The following SYNC variants were observed in gnomAD, a reference collection of about 807,000 sequenced individuals.
SYNC encodes syncoilin.
A neutral mutation model predicts 49.5 loss-of-function variants in SYNC; 38 were observed. The ratio of observed to expected loss-of-function variants is 0.77; its 90% CI spans 0.59 to 1.01. The LOEUF (loss-of-function observed/expected upper bound fraction) is 1.01, where lower values mean the gene tolerates loss of function less well. Ranked by LOEUF, SYNC falls within the 50% of genes least tolerant of loss-of-function variation. The pLI is 0.00. For missense variants in SYNC, 579 were observed against 580.6 expected (o/e 1.00, Z 0.03); for synonymous variants, 201 against 230.8 (o/e 0.87, Z 1.17).
In SYNC at chr1:32,702,726, C is replaced by T; in HGVS notation, c.-66G>A. On this transcript the variant is annotated 5_prime_UTR_variant, in exon 1 of 5. Transcript: ENST00000409190. This position sits in a 1 kb window ranked among gnomAD's most constrained non-coding sequence, Gnocchi z 6.2. ...CGGGCCCGCGGGCCCCTCGCTCCGGCGCCCGCGCCCGCCGCACTGCCAGCT... is the reference window on the plus strand; with the variant it reads ...CGGGCCCGCGGGCCCCTCGCTCCGGTGCCCGCGCCCGCCGCACTGCCAGCT... 1 of 1,080,532 alleles carries T rather than the reference C, an allele frequency of 9.3e-7. No individual in the cohort carries two copies. Among genetic ancestry groups the T allele is most frequent in the Non-Finnish European group, 1.1e-6 (1 of 889,060 alleles). 66.9% of individuals were successfully genotyped at this position (1,080,532 alleles called of 1,614,324 possible).
intron 2 of SYNC, among the ~76,000 whole-genome samples, chr1:32,692,952 G>A (rs943311515): frequency 2.0e-5 from 3 of 151,206 alleles, no homozygotes; most frequent in Non-Finnish European, 4.4e-5. Flanking sequence ...GCAGTGAGCC[G>A]AGATTGGTTC....
At chr1:32,694,362 A>G (rs1248145895) in intron 2 of SYNC, among the ~76,000 whole-genome samples, 1 of 148,786 alleles carries the variant, frequency 6.7e-6, no homozygotes, top group East Asian at 2.1e-4. Flanking sequence ...CGCAAAAAAA[A>G]CAGAGTGCAG....
rs769563410 is a variant in SYNC at position 32,695,120 on chromosome 1, G to A, written c.978C>T (p.Ala326=). 13 of 1,612,202 alleles carry A rather than the reference G, an allele frequency of 8.1e-6. No individual in the cohort carries two copies. In the East Asian group the frequency reaches 2.7e-4, roughly 33 times the overall value. ...HFLQESRRLS[A]QFENLMAESR... ...TCTCTGCCATGAGATTTTCAAACTGGGCAGAGAGTCGCCGGCTTTCCTGGA... is the reference window on the plus strand; with the variant it reads ...TCTCTGCCATGAGATTTTCAAACTGAGCAGAGAGTCGCCGGCTTTCCTGGA... Residue 326 remains alanine (A), a synonymous_variant, in exon 2 of 5, where the codon GCC becomes GCT. Transcript: ENST00000409190.
intron 2 of SYNC, chr1:32,685,018 C>G (rs1346673277): frequency 6.6e-6 from 1 of 151,956 alleles, no homozygotes; most frequent in African/African-American, 2.4e-5. Context: ...ATCCTTTTTT[C>G]TTCTTTATTT....
chr1:32,688,371 A>G (rs148783981), intron 2 of SYNC, among the ~76,000 whole-genome samples: 70 of 152,284 alleles, frequency 4.6e-4, no homozygotes, highest in African/African-American at 1.6e-3. Context: ...CATACTAGCT[A>G]TTGTTGATCT....
In SYNC at chr1:32,681,809, GT is replaced by G; in HGVS notation, c.*40del. The G allele has an allele frequency of 6.2e-7, 1 of 1,614,118 alleles. No individual in the cohort carries two copies. The highest frequency in any genetic ancestry group is 8.5e-7 in the Non-Finnish European group (1 of 1,180,014). On this transcript the variant is annotated 3_prime_UTR_variant, in exon 5 of 5. Transcript: ENST00000409190. Reference sequence around the variant, plus strand: ...GTACTTAGTGATCCTTTGCTAAGAAGTTTTTTGCTGTTTCCGGGTTACAGAT... The same window carrying G: ...GTACTTAGTGATCCTTTGCTAAGAAGTTTTTGCTGTTTCCGGGTTACAGAT...
chr1:32,703,435 C>G (rs1377089706), upstream of SYNC: 1 of 152,700 alleles, frequency 6.5e-6, no homozygotes, highest in African/African-American at 2.4e-5. Flanking sequence ...ACTCAGCCCA[C>G]TTCTGTCAAC....
chr1:32,684,021 G>A lies in SYNC; in HGVS notation c.1427C>T (p.Thr476Ile). ...TTCACAAAGATCACCTTGAGACTGT[G>A]TCTCCATTCCACCTGCCTGAGAAGT... ...APTSQAGGME[T>I]QSQGAV Residue 476 changes from threonine to isoleucine, a missense_variant, in exon 4 of 5, where the codon ACA becomes ATA. Physicochemically the swap from Thr to Ile is moderately conservative, Grantham distance 89. Coordinates refer to ENST00000409190, the MANE Select transcript of SYNC (RefSeq NM_030786.3). The A allele has an allele frequency of 6.2e-7, 1 of 1,614,104 alleles. No homozygotes were observed.
chr1:32,701,863 G>A (rs1053679570), intron 1 of SYNC, among the ~76,000 whole-genome samples: 7 of 152,222 alleles, frequency 4.6e-5, no homozygotes, highest in Non-Finnish European at 1.0e-4. Flanking sequence ...GAGTCCGTGT[G>A]TCTGACTGTA....
At position 32,680,357 on chromosome 1, in the gene SYNC, G is replaced by GTTTT. The variant is rs372285843; in HGVS notation, c.*1489_*1492dup. The GTTTT allele has an allele frequency of 8.1e-6, 8 of 988,410 alleles. No individual in the cohort carries two copies. Among genetic ancestry groups the GTTTT allele is most frequent in the East Asian group, 6.8e-5 (1 of 14,814 alleles). 61.2% of individuals were successfully genotyped at this position (988,410 alleles called of 1,614,324 possible). On this transcript the variant is annotated 3_prime_UTR_variant, in exon 5 of 5. Coordinates refer to ENST00000409190, the MANE Select transcript of SYNC (RefSeq NM_030786.3). The stretch of plus-strand genomic sequence containing the variant: ...AATGGTGTTTTTTTTTTTGTTGTTG[G>GTTTT]TTTTTTTTTTTTTTTTTTTAACTTG...
intron 2 of SYNC, among the ~76,000 whole-genome samples, chr1:32,689,090 C>T (rs1253970855): frequency 2.0e-5 from 3 of 151,596 alleles, no homozygotes; most frequent in African/African-American, 7.3e-5. Context: ...AGGCACATGC[C>T]ACCACGCCCA....
At position 32,679,946 on chromosome 1, in the gene SYNC, A is replaced by G. The variant is rs1649317352; in HGVS notation, c.*1904T>C. The G allele has an allele frequency of 1.6e-6, 2 of 1,290,038 alleles. No homozygotes were observed. The highest frequency in any genetic ancestry group is 4.3e-5 in the South Asian group (2 of 46,280). The allele number at this position is 1,290,038 out of a possible 1,614,324, so 79.9% of individuals were successfully genotyped here. A position where few individuals can be genotyped will look rare whatever the true frequency, so the allele number is the denominator to read the frequency against. ...AGGAATTTTCTAGTAACCCAGGTCT[A>G]AAGTAGCTACAGAAAGGGGAATATT... is the stretch of plus-strand genomic sequence containing the variant. On this transcript the variant is annotated 3_prime_UTR_variant, in exon 5 of 5. Transcript: ENST00000409190.
Position 32,680,351 on chromosome 1 carries a change from T to C in SYNC, c.*1499A>G. Reference sequence around the variant, plus strand: ...CTGTGAAATGGTGTTTTTTTTTTTGTTGTTGGTTTTTTTTTTTTTTTTTTT... The same window carrying C: ...CTGTGAAATGGTGTTTTTTTTTTTGCTGTTGGTTTTTTTTTTTTTTTTTTT... On this transcript the variant is annotated 3_prime_UTR_variant, in exon 5 of 5. Coordinates refer to ENST00000409190, the MANE Select transcript of SYNC (RefSeq NM_030786.3). 2 of 1,193,766 alleles carry C rather than the reference T, an allele frequency of 1.7e-6. No individual in the cohort carries two copies. Among genetic ancestry groups the C allele is most frequent in the Non-Finnish European group, 2.1e-6 (2 of 955,740 alleles). 73.9% of individuals were successfully genotyped at this position (1,193,766 alleles called of 1,614,324 possible). A position where few individuals can be genotyped will look rare whatever the true frequency, so the allele number is the denominator to read the frequency against.
chr1:32,701,474 GA>G (rs2148565905), intron 1 of SYNC, among the ~76,000 whole-genome samples: 1 of 152,286 alleles, frequency 6.6e-6, no homozygotes, highest in South Asian at 2.1e-4. Context: ...CAGACAGGCA[GA>G]AACCAGATGA....
Position 32,702,698 on chromosome 1 carries a change from A to T in SYNC, c.-38T>A. 6.1e-6 allele frequency: 7 copies of T among 1,142,348 alleles called. No individual in the cohort carries two copies. Among genetic ancestry groups the T allele is most frequent in the Non-Finnish European group, 7.5e-6 (7 of 931,492 alleles). 70.8% of individuals were successfully genotyped at this position (1,142,348 alleles called of 1,614,324 possible). A position where few individuals can be genotyped will look rare whatever the true frequency, so the allele number is the denominator to read the frequency against. ...CCGGGCTGGCGGCCGCGTTATTAAT[A>T]GCCGGGCCCGCGGGCCCCTCGCTCC... On this transcript the variant is annotated 5_prime_UTR_variant, in exon 1 of 5. Transcript: ENST00000409190. This position sits in a 1 kb window ranked among gnomAD's most constrained non-coding sequence, Gnocchi z 6.2.
At chr1:32,696,117 A>G (rs1650417598) in intron 1 of SYNC, 73 bp from the exon 2 acceptor site, 7 of 1,297,992 alleles carry the variant, frequency 5.4e-6, no homozygotes, top group Non-Finnish European at 3.1e-6. Context: ...GCCAGCAGCC[A>G]TGGGCCTAGA....
chr1:32,701,297 C>T (rs558847192), intron 1 of SYNC, among the ~76,000 whole-genome samples: 2 of 152,318 alleles, frequency 1.3e-5, no homozygotes, highest in African/African-American at 2.4e-5. Flanking sequence ...TAAAGTATCT[C>T]CCAGACAGCC....
At chr1:32,682,042 T>G (rs1649473934) in intron 4 of SYNC, 182 bp from the exon 5 acceptor site, 1 of 582,594 alleles carries the variant, frequency 1.7e-6, no homozygotes, top group Non-Finnish European at 3.1e-6. Context: ...ATGGGAGGGA[T>G]AGTTAAACGT....
At chr1:32,686,746 A>G (rs1649857645) in intron 2 of SYNC, among the ~76,000 whole-genome samples, 1 of 152,134 alleles carries the variant, frequency 6.6e-6, no homozygotes, top group African/African-American at 2.4e-5. Context: ...ATATGGGAGT[A>G]TTATTAATCT....
Sources: allele counts gnomAD v4.1 joint callset (sites outside exome capture counted in the v4.1 genomes callset), GRCh38; gene constraint gnomAD v4.1.1; non-coding constraint Gnocchi (gnomAD v3.1); transcripts MANE v1.5; gene names NCBI Gene and HGNC (gene_info 2026-07-23, HGNC 2026-07-21).